Variants in SYCP1 observed in about 807,000 individuals in gnomAD.
SYCP1 encodes the protein cancer/testis antigen 8.
Under a neutral mutation model 153.1 loss-of-function variants are expected in SYCP1, and 64 were observed. The observed-to-expected ratio is 0.42, with a 90% CI of 0.34 to 0.51. The LOEUF is 0.51. SYCP1 is among the 20% of genes least tolerant of loss of function. SYCP1 has a pLI of 0.06. For synonymous variants in SYCP1, 384 were observed against 341.8 expected (o/e 1.12, Z -1.36); for missense variants, 997 against 1,049.0 (o/e 0.95, Z 0.68).
intron 19 of SYCP1, 103 bp downstream of exon 19, chr1:114,913,253 T>C: frequency 4.3e-6 from 4 of 924,532 alleles, no homozygotes; most frequent in Admixed American, 2.8e-5. Context: ...CTGATTGCTT[T>C]AGAGCTAAAA....
intron 28 of SYCP1, among the ~76,000 whole-genome samples, chr1:114,979,841 G>T (rs920979176): frequency 2.0e-5 from 3 of 151,792 alleles, no homozygotes; most frequent in African/African-American, 7.2e-5. Flanking sequence ...AAATAATCCG[G>T]AAAGATAGGA....
At chr1:114,983,269 C>T (rs1048850583) in intron 29 of SYCP1, among the ~76,000 whole-genome samples, 2 of 151,990 alleles carry the variant, frequency 1.3e-5, no homozygotes, top group African/African-American at 4.8e-5. Flanking sequence ...CTTTTCAAAG[C>T]TTCCCCATGG....
intron 5 of SYCP1, 30 bp from the exon 6 acceptor site, chr1:114,858,517 C>T (rs778183304): frequency 1.3e-6 from 2 of 1,532,262 alleles, no homozygotes; most frequent in Non-Finnish European, 1.8e-6. Flanking sequence ...GAATTTTGGA[C>T]AATTAATTTT....
At chr1:114,876,703 A>T (rs1249426414) in intron 10 of SYCP1, 34 bp from the exon 11 acceptor site, 2 of 1,081,022 alleles carry the variant, frequency 1.9e-6, no homozygotes, top group African/African-American at 3.3e-5. Flanking sequence ...AAATTATGTT[A>T]TGACATTACA....
chr1:114,939,635 C>T (rs1371915513), intron 23 of SYCP1, among the ~76,000 whole-genome samples: 1 of 151,964 alleles, frequency 6.6e-6, no homozygotes, highest in Non-Finnish European at 1.5e-5. Flanking sequence ...CAGTGGGGTA[C>T]TATTAGTTTG....
At chr1:114,908,995 T>C (rs1668005416) in intron 16 of SYCP1, among the ~76,000 whole-genome samples, 3 of 152,338 alleles carry the variant, frequency 2.0e-5, no homozygotes, top group Admixed American at 1.3e-4. Flanking sequence ...TCTATCAGTT[T>C]GCTAGATTCA....
intron 16 of SYCP1, among the ~76,000 whole-genome samples, chr1:114,908,229 T>G (rs1667946122): frequency 6.6e-6 from 1 of 152,028 alleles, no homozygotes; most frequent in East Asian, 1.9e-4. Flanking sequence ...GTTTTGTTTC[T>G]TTCAGCACCT....
intron 29 of SYCP1, among the ~76,000 whole-genome samples, chr1:114,984,027 G>A (rs1673337158): frequency 6.6e-6 from 1 of 152,012 alleles, no homozygotes; most frequent in African/African-American, 2.4e-5. Context: ...AGCCTCCTGA[G>A]TAGCTGAGGC....
intron 9 of SYCP1, among the ~76,000 whole-genome samples, chr1:114,875,083 T>G (rs1470027929): frequency 6.6e-6 from 1 of 152,080 alleles, no homozygotes; most frequent in Non-Finnish European, 1.5e-5. Flanking sequence ...CCTTAATACT[T>G]TATCTAAAAT....
intron 23 of SYCP1, among the ~76,000 whole-genome samples, chr1:114,929,333 A>T (rs1669477979): frequency 6.6e-6 from 1 of 152,130 alleles, no homozygotes; most frequent in South Asian, 2.1e-4. Context: ...TAACATAATG[A>T]TCTGAACTCA....
intron 23 of SYCP1, among the ~76,000 whole-genome samples, chr1:114,934,374 C>A (rs1342045926): frequency 1.3e-5 from 2 of 152,142 alleles, no homozygotes; most frequent in Non-Finnish European, 2.9e-5. Flanking sequence ...GATTTTGTCA[C>A]CACCAGGCCT....
Position 114,857,263 on chromosome 1 carries a change from C to G in SYCP1, c.225C>G (p.Pro75=), listed in dbSNP as rs17544210. The G allele has an allele frequency of 0.058, 92,948 of 1,597,024 alleles. 3,016 individuals carry two copies. Among genetic ancestry groups the G allele is most frequent in the Middle Eastern group, 0.095 (569 of 5,966 alleles). The change falls in exon 4 of 32, where the codon CCC becomes CCG. Residue 75 remains proline (P), a synonymous_variant. Coordinates refer to ENST00000369522, the MANE Select transcript of SYCP1 (RefSeq NM_003176.4). The part of the protein sequence containing the change: ...DPALQKVNFL[P]VLEQVGNSDC... ...CTTTACAAAAAGTTAATTTCTTGCC[C>G]GTGCTTGAGCAGGTCAGTTAAGCAT...
intron 21 of SYCP1, among the ~76,000 whole-genome samples, chr1:114,923,954 T>G (rs1191191154): frequency 6.6e-6 from 1 of 152,168 alleles, no homozygotes; most frequent in African/African-American, 2.4e-5. Context: ...GACATGATTA[T>G]AGTATATATT....
chr1:114,867,550 G>A (rs1557755822), intron 8 of SYCP1, among the ~76,000 whole-genome samples: 2 of 151,588 alleles, frequency 1.3e-5, no homozygotes, highest in South Asian at 2.1e-4. Flanking sequence ...TTCAAATTCC[G>A]CTTATTCATT....
At chr1:114,930,405 C>T (rs994950355) in intron 23 of SYCP1, among the ~76,000 whole-genome samples, 1 of 151,604 alleles carries the variant, frequency 6.6e-6, no homozygotes, top group Non-Finnish European at 1.5e-5. Flanking sequence ...AGCTGATAAG[C>T]CCTAGCAGAA....
At chr1:114,906,737 G>A (rs1286569) in intron 16 of SYCP1, among the ~76,000 whole-genome samples, 3,550 of 152,152 alleles carry the variant, frequency 0.023, 56 homozygotes, top group South Asian at 0.035. Context: ...ATTTCTTAAG[G>A]TTTGTTTTAT....
At chr1:114,867,376 T>C (rs1213311666) in intron 8 of SYCP1, among the ~76,000 whole-genome samples, 1 of 152,168 alleles carries the variant, frequency 6.6e-6, no homozygotes, top group Non-Finnish European at 1.5e-5. Context: ...TGAATCTTCC[T>C]ATCTATGATC....
intron 27 of SYCP1, among the ~76,000 whole-genome samples, chr1:114,956,964 CCAAA>C: frequency 6.6e-6 from 1 of 152,234 alleles, no homozygotes; most frequent in Admixed American, 6.5e-5. Flanking sequence ...TATAACCTCA[CCAAA>C]CAGACAAAAT....
chr1:114,937,931 A>G (rs1462641322), intron 23 of SYCP1, among the ~76,000 whole-genome samples: 1 of 152,128 alleles, frequency 6.6e-6, no homozygotes, highest in African/African-American at 2.4e-5. Context: ...AAATAGGAAC[A>G]CTTTTACACT....
Sources: gnomAD v4.1 joint callset for allele counts (sites outside exome capture counted in the v4.1 genomes callset) on GRCh38, gnomAD v4.1.1 for gene constraint, MANE v1.5 for transcripts, NCBI Gene and HGNC (gene_info 2026-07-23, HGNC 2026-07-21) for gene names.